ATP11A: variants seen among roughly 807,000 people sequenced by gnomAD.
ATP11A encodes the protein phospholipid-transporting ATPase IH.
Under a neutral mutation model 154.4 loss-of-function variants are expected in ATP11A, and 81 were observed. The observed-to-expected ratio is 0.52, with a 90% CI of 0.44 to 0.63. ATP11A has a LOEUF of 0.63. Ranked by LOEUF, ATP11A falls within the 30% of genes least tolerant of loss-of-function variation. ATP11A has a pLI of 0.00. For synonymous variants in ATP11A, 623 were observed against 585.9 expected (o/e 1.06, Z -0.91); for missense variants, 1,316 against 1,474.3 (o/e 0.89, Z 1.76).
intron 24 of ATP11A, 38 bp downstream of exon 24, chr13:112,860,452 G>C: frequency 6.2e-7 from 1 of 1,612,124 alleles, no homozygotes; most frequent in Non-Finnish European, 8.5e-7. Flanking sequence ...AGAGCAGAGA[G>C]AGTAACTAGG....
chr13:112,860,353 T>C lies in ATP11A; in HGVS notation c.2794T>C (p.Tyr932His), dbSNP rs186484787. 6.2e-7 allele frequency: 1 copy of C among 1,614,166 alleles called. No homozygotes were observed. ...ISFTSLPILL[Y>H]SLMEQHVGID... ...CTTCACCTCCCTCCCCATCCTCCTG[T>C]ACAGCCTCATGGAGCAGCATGTTGG... The change falls in exon 24 of 30, where the codon TAC (tyrosine) becomes CAC (histidine). Residue 932 changes from tyrosine to histidine, a missense_variant. Transcript: ENST00000375645.
rs963584866 is a variant in ATP11A, at chr13:112,753,444, C to T, written c.40-31691C>T. Among the ~76,000 whole-genome samples, 6 of 152,244 alleles carry T rather than the reference C, an allele frequency of 3.9e-5. No homozygotes were observed. The highest frequency in any genetic ancestry group is 8.8e-5 in the Non-Finnish European group (6 of 68,046). On this transcript the variant is annotated intron_variant, in intron 1 of 29. Coordinates refer to ENST00000375645, the MANE Select transcript of ATP11A (RefSeq NM_015205.3). This position sits in a 1 kb window ranked among gnomAD's most constrained non-coding sequence, Gnocchi z 4.1. ...GGATGCCTGTTCTCCACCTACCTCG[C>T]CAGCAGCCTGCGCTGCCCGGCTTGC...
At position 112,882,595 on chromosome 13, in the gene ATP11A, C is replaced by T; in HGVS notation, c.*729C>T. The T allele has an allele frequency of 2.5e-6, 1 of 405,738 alleles. No individual in the cohort carries two copies. The highest frequency in any genetic ancestry group is 4.3e-6 in the Non-Finnish European group (1 of 231,250). 25.1% of individuals were successfully genotyped at this position (405,738 alleles called of 1,614,324 possible). On this transcript the variant is annotated 3_prime_UTR_variant, in exon 30 of 30. Coordinates refer to ENST00000375645, the MANE Select transcript of ATP11A (RefSeq NM_015205.3). The surrounding 1 kb of genome is among the most constrained non-coding windows in gnomAD (Gnocchi z 5.1). ...CTGCGGTTACGTCCAAGCCCGCCTG[C>T]CCTGTGTGTTGGGGCTGGCTGAGTT...
chr13:112,881,928 C>G lies in ATP11A; in HGVS notation c.*62C>G. On this transcript the variant is annotated 3_prime_UTR_variant, in exon 30 of 30. Coordinates refer to ENST00000375645, the MANE Select transcript of ATP11A (RefSeq NM_015205.3). Reference sequence around the variant, plus strand: ...TCGGCCGCCTGGTACAGCTCCCACTCTCAGCAGGTGACACTCGCGGCCTGG... The same window carrying G: ...TCGGCCGCCTGGTACAGCTCCCACTGTCAGCAGGTGACACTCGCGGCCTGG... 5 of 1,367,636 alleles carry G rather than the reference C, an allele frequency of 3.7e-6. No individual in the cohort carries two copies. Among genetic ancestry groups the G allele is most frequent in the Non-Finnish European group, 4.9e-6 (5 of 1,021,864 alleles). 84.7% of individuals were successfully genotyped at this position (1,367,636 alleles called of 1,614,324 possible).
intron 1 of ATP11A, among the ~76,000 whole-genome samples, chr13:112,718,270 C>T (rs754908410): frequency 6.6e-6 from 1 of 152,164 alleles, no homozygotes; most frequent in Non-Finnish European, 1.5e-5. Context: ...ATATTAAAAG[C>T]ACCTGGATTT....
intron 9 of ATP11A, 26 bp downstream of exon 9, chr13:112,823,435 A>C: frequency 6.4e-7 from 1 of 1,568,342 alleles, no homozygotes; most frequent in Non-Finnish European, 8.8e-7. Context: ...ATTATTAACC[A>C]TTGCCCCTAA....
intron 14 of ATP11A, among the ~76,000 whole-genome samples, chr13:112,834,245 A>G (rs895447622): frequency 2.6e-5 from 4 of 152,182 alleles, no homozygotes; most frequent in Admixed American, 2.6e-4. Context: ...AACAACAACA[A>G]AGTCCACGAA....
chr13:112,844,492 C>T (rs1313726148), intron 17 of ATP11A, among the ~76,000 whole-genome samples: 1 of 152,232 alleles, frequency 6.6e-6, no homozygotes, highest in African/African-American at 2.4e-5. Flanking sequence ...ACTCCCATCC[C>T]TGCCAACTCC....
At chr13:112,734,217 C>T (rs1429526135) in intron 1 of ATP11A, among the ~76,000 whole-genome samples, 1 of 152,024 alleles carries the variant, frequency 6.6e-6, no homozygotes, top group Non-Finnish European at 1.5e-5. Context: ...GATGGACATG[C>T]GAGCTCAGCT....
chr13:112,709,718 T>G (rs919990302), intron 1 of ATP11A, among the ~76,000 whole-genome samples: 2 of 45,204 alleles, frequency 4.4e-5, no homozygotes, highest in Non-Finnish European at 1.3e-4. Context: ...ATGTATTTCT[T>G]AAATGTATTT....
intron 25 of ATP11A, among the ~76,000 whole-genome samples, chr13:112,863,249 A>G (rs1319234796): frequency 3.4e-5 from 5 of 145,444 alleles, no homozygotes; most frequent in African/African-American, 1.3e-4. Context: ...CCACCTGCGC[A>G]GTAATTCAGT....
At position 112,831,224 on chromosome 13, in the gene ATP11A, G is replaced by T. The variant is rs577915997; in HGVS notation, c.1222-151G>T. The T allele has an allele frequency of 1.3e-4, 104 of 824,378 alleles. No homozygotes were observed. In the South Asian group the frequency reaches 1.7e-3, roughly 13 times the overall value. 51.1% of individuals were successfully genotyped at this position (824,378 alleles called of 1,614,324 possible). ...AGGCAGGAGCATGGCTCAGCCCAGT[G>T]AGGGGGTCTGTCTGGGGGAAAGCCT... On this transcript the variant is annotated intron_variant, in intron 12 of 29. Coordinates refer to ENST00000375645, the MANE Select transcript of ATP11A (RefSeq NM_015205.3).
intron 25 of ATP11A, among the ~76,000 whole-genome samples, chr13:112,870,921 G>A (rs568716503): frequency 6.6e-6 from 1 of 152,274 alleles, no homozygotes; most frequent in East Asian, 2.0e-4. Flanking sequence ...CGGTCCTCAC[G>A]GGTGTGTCTG....
intron 1 of ATP11A, among the ~76,000 whole-genome samples, chr13:112,731,522 T>G (rs1325503595): frequency 1.3e-5 from 2 of 152,178 alleles, no homozygotes; most frequent in Non-Finnish European, 2.9e-5. Context: ...TCACTAGTTT[T>G]CTGTTTTATT....
At chr13:112,781,150 G>A (rs1408766869) in intron 1 of ATP11A, among the ~76,000 whole-genome samples, 1 of 152,068 alleles carries the variant, frequency 6.6e-6, no homozygotes, top group Non-Finnish European at 1.5e-5. Flanking sequence ...CGATTCTCCT[G>A]CCTCAGCCTC....
Position 112,824,235 on chromosome 13 carries a change from T to C in ATP11A, c.791-109T>C, listed in dbSNP as rs998772694. 21 of 830,472 alleles carry C rather than the reference T, an allele frequency of 2.5e-5. No homozygotes were observed. The African/African-American group carries it at 3.2e-4, about 13-fold the overall frequency. 51.4% of individuals were successfully genotyped at this position (830,472 alleles called of 1,614,324 possible). Reference sequence around the variant, plus strand: ...GGACACTAGCTTATGAAATTAAAAATAGGATTCGCTTTACCCAAGAATTGA... The same window carrying C: ...GGACACTAGCTTATGAAATTAAAAACAGGATTCGCTTTACCCAAGAATTGA... On this transcript the variant is annotated intron_variant, in intron 9 of 29. Transcript: ENST00000375645.
rs747788182 is a variant in ATP11A at position 112,807,362 on chromosome 13, A to G, written c.333+1069A>G. 5.3e-5 allele frequency among the ~76,000 whole-genome samples: 8 copies of G among 152,258 alleles called. No homozygotes were observed. Among genetic ancestry groups the G allele is most frequent in the Non-Finnish European group, 1.0e-4 (7 of 68,038 alleles). On this transcript the variant is annotated intron_variant, in intron 4 of 29. Transcript: ENST00000375645. This position sits in a 1 kb window ranked among gnomAD's most constrained non-coding sequence, Gnocchi z 4.5. Reference sequence around the variant, plus strand: ...CCGGGATACGTGAACTAGGATATTCATGGTGGCTGTCATTGATTAGCAAAG... The same window carrying G: ...CCGGGATACGTGAACTAGGATATTCGTGGTGGCTGTCATTGATTAGCAAAG...
chr13:112,834,269 G>A (rs1410238278), intron 14 of ATP11A, among the ~76,000 whole-genome samples: 1 of 152,238 alleles, frequency 6.6e-6, no homozygotes, highest in Non-Finnish European at 1.5e-5. Context: ...ATGAGCAAAA[G>A]TGTCATCGAA....
chr13:112,733,520 G>A (rs886796942), intron 1 of ATP11A, among the ~76,000 whole-genome samples: 1 of 152,222 alleles, frequency 6.6e-6, no homozygotes, highest in Non-Finnish European at 1.5e-5. Context: ...TGATGGTTAA[G>A]AGTTGAGCTG....
Sources: allele counts gnomAD v4.1 joint callset (sites outside exome capture counted in the v4.1 genomes callset), GRCh38; gene constraint gnomAD v4.1.1; non-coding constraint Gnocchi (gnomAD v3.1); transcripts MANE v1.5; gene names NCBI Gene and HGNC (gene_info 2026-07-23, HGNC 2026-07-21).